MYH9: variants seen among roughly 807,000 people sequenced by gnomAD.
The protein encoded by MYH9 is myosin-9.
In MYH9, 29 loss-of-function variants were observed where a neutral mutation model predicts 241.9. The ratio of observed to expected loss-of-function variants is 0.12; its 90% CI spans 0.09 to 0.16. The LOEUF (loss-of-function observed/expected upper bound fraction) is 0.16. MYH9 is among the 10% of genes least tolerant of loss of function. The probability of loss-of-function intolerance (pLI) is 1.00; values close to 1 mark genes in which losing one functional copy is unlikely to be tolerated. For missense variants in MYH9, 1,803 were observed against 2,595.5 expected (o/e 0.69, Z 6.63); for synonymous variants, 1,047 against 1,062.6 (o/e 0.99, Z 0.29).
At chr22:36,336,628 G>A (rs1055936142) in intron 3 of MYH9, among the ~76,000 whole-genome samples, 4 of 152,196 alleles carry the variant, frequency 2.6e-5, no homozygotes, top group Non-Finnish European at 4.4e-5. Context: ...GGAAAGCCAG[G>A]GGCAGGAGGG....
At position 36,285,608 on chromosome 22, in the gene MYH9, C is replaced by G; in HGVS notation, c.5274+50G>C. 6.2e-7 allele frequency: 1 copy of G among 1,609,242 alleles called. No individual in the cohort carries two copies. Among genetic ancestry groups the G allele is most frequent in the South Asian group, 1.1e-5 (1 of 90,792 alleles). On this transcript the variant is annotated intron_variant, in intron 37 of 40. Transcript: ENST00000216181. The surrounding 1 kb of genome is among the most constrained non-coding windows in gnomAD (Gnocchi z 7.0). ...CCGGCTGGGTCCAAGGCCAGCTCTGCCGTGGTGGCTCCAGCCAGAGCCCAG... is the reference window on the plus strand; with the variant it reads ...CCGGCTGGGTCCAAGGCCAGCTCTGGCGTGGTGGCTCCAGCCAGAGCCCAG...
chr22:36,286,600 T>C (rs1603482746), intron 35 of MYH9, 118 bp downstream of exon 35: 1 of 1,447,112 alleles, frequency 6.9e-7, no homozygotes, highest in Non-Finnish European at 9.6e-7. Flanking sequence ...CTGAGAGCCA[T>C]CCCCAGCCAA....
chr22:36,366,973 T>C (rs777877741), intron 1 of MYH9, among the ~76,000 whole-genome samples: 2 of 152,140 alleles, frequency 1.3e-5, no homozygotes, highest in Non-Finnish European at 2.9e-5. Flanking sequence ...AAGCTTCTAT[T>C]TGTCTAGGTC....
chr22:36,378,211 C>G (rs2018201476), intron 1 of MYH9, among the ~76,000 whole-genome samples: 2 of 151,852 alleles, frequency 1.3e-5, no homozygotes, highest in South Asian at 4.2e-4. Context: ...GAGGCCGAGG[C>G]TGTAGTGAGT....
At chr22:36,363,786 C>T (rs189941389) in intron 1 of MYH9, among the ~76,000 whole-genome samples, 35 of 152,258 alleles carry the variant, frequency 2.3e-4, no homozygotes, top group Non-Finnish European at 2.4e-4. Context: ...AGGTTGGAAG[C>T]GGCTGACAGG....
chr22:36,339,630 C>A (rs2017552582), intron 3 of MYH9, among the ~76,000 whole-genome samples: 1 of 152,208 alleles, frequency 6.6e-6, no homozygotes, highest in Admixed American at 6.5e-5. Context: ...CAAGCTGCCA[C>A]TGTAAACCAC....
Position 36,289,081 on chromosome 22 carries a change from TCA to T in MYH9, c.4557+2_4557+3del. ...AAGACCTGGCTGCCAGGCCCAGGAC[TCA>T]CACTCTTGCCCACATCATCCTTGGA... On this transcript the variant is annotated splice_donor_variant and splice_donor_region_variant and intron_variant, in intron 32 of 40. Coordinates refer to ENST00000216181, the MANE Select transcript of MYH9 (RefSeq NM_002473.6). LOFTEE classifies it high-confidence loss of function. 1 of 1,614,002 alleles carries T rather than the reference TCA, an allele frequency of 6.2e-7. No homozygotes were observed. The highest frequency in any genetic ancestry group is 8.5e-7 in the Non-Finnish European group (1 of 1,180,016).
chr22:36,359,136 C>T (rs887172920), intron 1 of MYH9, among the ~76,000 whole-genome samples: 8 of 152,334 alleles, frequency 5.3e-5, no homozygotes, highest in African/African-American at 1.9e-4. Flanking sequence ...ATATCTATGG[C>T]CCTCCCGTCT....
Position 36,371,482 on chromosome 22 carries a change from T to G in MYH9, c.-20+16325A>C, listed in dbSNP as rs1462349650. Among the ~76,000 whole-genome samples, 6 of 152,216 alleles carry G rather than the reference T, an allele frequency of 3.9e-5. No individual in the cohort carries two copies. The East Asian group carries it at 1.2e-3, about 29-fold the overall frequency. On this transcript the variant is annotated intron_variant, in intron 1 of 40. Coordinates refer to ENST00000216181, the MANE Select transcript of MYH9 (RefSeq NM_002473.6). Reference sequence around the variant, plus strand: ...CAGAACTGAGGGGATAAATGTCTGCTGCTTAACCACACAATCTTGTACTTC... The same window carrying G: ...CAGAACTGAGGGGATAAATGTCTGCGGCTTAACCACACAATCTTGTACTTC...
intron 1 of MYH9, among the ~76,000 whole-genome samples, chr22:36,368,069 G>A (rs1490903151): frequency 1.3e-5 from 2 of 152,234 alleles, no homozygotes; most frequent in African/African-American, 4.8e-5. Flanking sequence ...CCGAAGTCAG[G>A]CCAACCTGGA....
intron 2 of MYH9, 69 bp downstream of exon 2, chr22:36,348,835 A>AGGGGGGGGGGGGGGG: frequency 2.2e-5 from 19 of 868,924 alleles, no homozygotes; most frequent in Middle Eastern, 4.8e-4. Flanking sequence ...GGTGATGGGA[A>AGGGGGGGGGGGGGGG]GACCCGCCCC....
intron 5 of MYH9, among the ~76,000 whole-genome samples, chr22:36,324,759 G>A (rs1364970663): frequency 6.6e-6 from 1 of 152,230 alleles, no homozygotes; most frequent in African/African-American, 2.4e-5. Context: ...ATGACTGGAA[G>A]CCTGGGGCAA....
chr22:36,315,273 C>T (rs962016021), intron 12 of MYH9, among the ~76,000 whole-genome samples: 7 of 152,108 alleles, frequency 4.6e-5, no homozygotes, highest in Non-Finnish European at 1.0e-4. Flanking sequence ...TTGTTCAGTT[C>T]GCAACTGGAA....
chr22:36,282,407 C>T lies in MYH9; in HGVS notation c.*261G>A, dbSNP rs11089787. 8.4e-6 allele frequency: 5 copies of T among 597,866 alleles called. No individual in the cohort carries two copies. Among genetic ancestry groups the T allele is most frequent in the East Asian group, 2.8e-5 (1 of 35,812 alleles). The allele number at this position is 597,866 out of a possible 1,614,324, so 37.0% of individuals were successfully genotyped here. Reference sequence around the variant, plus strand: ...AGAGAGGGCTGAGGAGCCTGCTGGTCGCTCTCTGCCTGGGCCCGGGCCCTG... The same window carrying T: ...AGAGAGGGCTGAGGAGCCTGCTGGTTGCTCTCTGCCTGGGCCCGGGCCCTG... On this transcript the variant is annotated 3_prime_UTR_variant, in exon 41 of 41. Coordinates refer to ENST00000216181, the MANE Select transcript of MYH9 (RefSeq NM_002473.6).
intron 1 of MYH9, among the ~76,000 whole-genome samples, chr22:36,368,338 C>G (rs1022688931): frequency 6.6e-6 from 1 of 152,210 alleles, no homozygotes; most frequent in Non-Finnish European, 1.5e-5. Context: ...AGAAGGCTTA[C>G]TTGCTGAAGG....
chr22:36,341,438 T>C lies in MYH9; in HGVS notation c.422A>G (p.Lys141Arg), dbSNP rs1318401504. The C allele has an allele frequency of 1.2e-6, 2 of 1,614,228 alleles. No homozygotes were observed. The highest frequency in any genetic ancestry group is 2.2e-5 in the South Asian group (2 of 91,084). The change falls in exon 3 of 41, where the codon AAG (lysine) becomes AGG (arginine). Residue 141 changes from lysine (K) to arginine (R), a missense_variant. Coordinates refer to ENST00000216181, the MANE Select transcript of MYH9 (RefSeq NM_002473.6). The part of the protein sequence containing the change: ...SEEIVEMYKG[K>R]KRHEMPPHIY... Reference sequence around the variant, plus strand: ...GTGAGGGGGCATCTCGTGCCTCTTCTTGCCCTTGTACATTTCCACAATCTC... The same window carrying C: ...GTGAGGGGGCATCTCGTGCCTCTTCCTGCCCTTGTACATTTCCACAATCTC...
intron 3 of MYH9, among the ~76,000 whole-genome samples, chr22:36,338,252 G>A (rs567306345): frequency 1.7e-4 from 26 of 151,658 alleles, no homozygotes; most frequent in African/African-American, 5.6e-4. Flanking sequence ...CACCTGCCTC[G>A]GCCTCCCAAA....
chr22:36,303,199 G>A lies in MYH9; in HGVS notation c.2391-523C>T, dbSNP rs569793496. On this transcript the variant is annotated intron_variant, in intron 19 of 40. Coordinates refer to ENST00000216181, the MANE Select transcript of MYH9 (RefSeq NM_002473.6). ...GCTCAAGCTTCGTCTCCCAGAGCTCGGCGCTCCTGCTAGGACCCCATCCCC... is the reference window on the plus strand; with the variant it reads ...GCTCAAGCTTCGTCTCCCAGAGCTCAGCGCTCCTGCTAGGACCCCATCCCC... 3.0e-4 allele frequency among the ~76,000 whole-genome samples: 45 copies of A among 152,094 alleles called. No individual in the cohort carries two copies. In the South Asian group the frequency reaches 8.7e-3, roughly 29 times the overall value.
At chr22:36,370,858 G>T (rs1020530705) in intron 1 of MYH9, among the ~76,000 whole-genome samples, 3 of 152,086 alleles carry the variant, frequency 2.0e-5, no homozygotes, top group Admixed American at 1.3e-4. Context: ...GGTGGGCAGT[G>T]GGGGGTGGGA....
Sources: gnomAD v4.1 joint callset for allele counts (sites outside exome capture counted in the v4.1 genomes callset) on GRCh38, gnomAD v4.1.1 for gene constraint, Gnocchi (gnomAD v3.1) non-coding constraint, MANE v1.5 for transcripts, NCBI Gene and HGNC (gene_info 2026-07-23, HGNC 2026-07-21) for gene names.